Variants in ERBB4 observed in about 807,000 individuals in gnomAD.
The protein encoded by ERBB4 is erb-b2 receptor tyrosine kinase 4.
A neutral mutation model predicts 158.0 loss-of-function variants in ERBB4; 42 were observed. That is an observed-to-expected ratio of 0.27 (90% CI 0.21 to 0.34). The LOEUF (loss-of-function observed/expected upper bound fraction) is 0.34. ERBB4 is among the 10% of genes least tolerant of loss of function. The probability of loss-of-function intolerance (pLI) is 1.00; values close to 1 mark genes in which losing one functional copy is unlikely to be tolerated. For missense variants in ERBB4, 1,333 were observed against 1,624.1 expected (o/e 0.82, Z 3.08); for synonymous variants, 583 against 558.7 (o/e 1.04, Z -0.61).
chr2:212,190,123 C>T (rs2082141218), intron 1 of ERBB4, among the ~76,000 whole-genome samples: 1 of 149,152 alleles, frequency 6.7e-6, no homozygotes, highest in African/African-American at 2.4e-5. Flanking sequence ...AAAAGTTTTA[C>T]TTACTGAACT....
chr2:211,773,647 T>TAA (rs1290741111), intron 4 of ERBB4, among the ~76,000 whole-genome samples: 2 of 77,436 alleles, frequency 2.6e-5, no homozygotes, highest in Admixed American at 1.5e-4. Flanking sequence ...TATATATATA[T>TAA]AATATATATA....
chr2:211,505,581 A>T (rs2065724901), intron 20 of ERBB4, among the ~76,000 whole-genome samples: 1 of 152,034 alleles, frequency 6.6e-6, no homozygotes, highest in African/African-American at 2.4e-5. Context: ...CAAACAAACA[A>T]ACAAACAAAC....
At chr2:212,355,569 T>TTATTGTAATAA (rs1283007977) in intron 1 of ERBB4, among the ~76,000 whole-genome samples, 1 of 152,046 alleles carries the variant, frequency 6.6e-6, no homozygotes, top group Non-Finnish European at 1.5e-5. Flanking sequence ...AGGCTGCTCG[T>TTATTGTAATAA]TATTGTAATA....
chr2:211,663,750 A>G (rs567551291), intron 15 of ERBB4, among the ~76,000 whole-genome samples: 2 of 152,300 alleles, frequency 1.3e-5, no homozygotes, highest in South Asian at 4.1e-4. Context: ...TTGAATGGCA[A>G]CAGCTGTTGA....
At chr2:212,299,137 T>C (rs2086527154) in intron 1 of ERBB4, among the ~76,000 whole-genome samples, 1 of 151,472 alleles carries the variant, frequency 6.6e-6, no homozygotes, top group Admixed American at 6.6e-5. Flanking sequence ...ACCAAAAGAG[T>C]GAGGCATGTA....
At chr2:211,540,471 G>A (rs905974204) in intron 20 of ERBB4, among the ~76,000 whole-genome samples, 2 of 151,938 alleles carry the variant, frequency 1.3e-5, no homozygotes, top group African/African-American at 2.4e-5. Context: ...AAAGGAGCTG[G>A]ATAATATTTA....
chr2:212,398,780 A>T (rs1006192028), intron 1 of ERBB4, among the ~76,000 whole-genome samples: 35 of 149,332 alleles, frequency 2.3e-4, no homozygotes, highest in Admixed American at 7.4e-4. Flanking sequence ...ATCTCATCTT[A>T]AAAAAAAAGT....
At chr2:212,495,501 T>C (rs1690513837) in intron 1 of ERBB4, among the ~76,000 whole-genome samples, 1 of 152,230 alleles carries the variant, frequency 6.6e-6, no homozygotes, top group Admixed American at 6.5e-5. Context: ...AGGAACACTG[T>C]ATGTGTCTTA....
intron 1 of ERBB4, among the ~76,000 whole-genome samples, chr2:212,242,927 C>A (rs1289650330): frequency 1.3e-5 from 2 of 152,142 alleles, no homozygotes; most frequent in Non-Finnish European, 2.9e-5. Context: ...GGAGATTGCA[C>A]TTGAACACAT....
intron 2 of ERBB4, among the ~76,000 whole-genome samples, chr2:211,995,455 A>G (rs1238698550): frequency 6.6e-6 from 1 of 152,098 alleles, no homozygotes; most frequent in Non-Finnish European, 1.5e-5. Flanking sequence ...TTTAAAATAC[A>G]TAGAGGTGGT....
intron 16 of ERBB4, among the ~76,000 whole-genome samples, chr2:211,634,002 T>C (rs563476644): frequency 1.3e-5 from 2 of 152,206 alleles, no homozygotes; most frequent in African/African-American, 4.8e-5. Flanking sequence ...CTACTAAAAA[T>C]ACAAAAATCA....
intron 20 of ERBB4, among the ~76,000 whole-genome samples, chr2:211,442,251 T>A (rs1049186101): frequency 3.3e-5 from 5 of 152,082 alleles, no homozygotes; most frequent in Admixed American, 3.3e-4. Context: ...TACAGACACA[T>A]GCTTGGTCAA....
intron 3 of ERBB4, among the ~76,000 whole-genome samples, chr2:211,797,574 A>G (rs75300551): frequency 0.017 from 2,661 of 152,104 alleles, 93 homozygotes; most frequent in African/African-American, 0.062. Flanking sequence ...TTACTCTTGT[A>G]AGATGATTAT....
At chr2:211,514,643 T>C (rs1015714063) in intron 20 of ERBB4, among the ~76,000 whole-genome samples, 3 of 152,122 alleles carry the variant, frequency 2.0e-5, no homozygotes, top group African/African-American at 7.2e-5. Context: ...AAAATATATA[T>C]TATTTTTACC....
intron 2 of ERBB4, among the ~76,000 whole-genome samples, chr2:212,024,666 C>T (rs137873727): frequency 1.5e-3 from 223 of 151,982 alleles, no homozygotes; most frequent in African/African-American, 5.2e-3. Context: ...TCCTACTTAC[C>T]TCTCACTCTC....
chr2:211,672,877 A>G (rs992842678), intron 14 of ERBB4, among the ~76,000 whole-genome samples: 2 of 152,122 alleles, frequency 1.3e-5, no homozygotes, highest in African/African-American at 4.8e-5. Flanking sequence ...TTATGCTTCA[A>G]TCTAATTATT....
rs148213015 is a variant in ERBB4, at chr2:211,750,624, C to T, written c.622+15G>A. On this transcript the variant is annotated intron_variant, in intron 5 of 27. Coordinates refer to ENST00000342788, the MANE Select transcript of ERBB4 (RefSeq NM_005235.3). ...ACCACATCAAACCTGTGTGCTCTCA[C>T]TGATGAACACTTACAAGTCTGGCAA... 9.9e-6 allele frequency: 16 copies of T among 1,611,522 alleles called. No individual in the cohort carries two copies. The Admixed American group carries it at 2.3e-4, about 23-fold the overall frequency.
chr2:212,521,309 G>T (rs1289969696), intron 1 of ERBB4, among the ~76,000 whole-genome samples: 1 of 151,624 alleles, frequency 6.6e-6, no homozygotes, highest in Non-Finnish European at 1.5e-5. Context: ...TATAAAAACA[G>T]AATATGAAGA....
intron 25 of ERBB4, among the ~76,000 whole-genome samples, chr2:211,394,888 G>T (rs1210840441): frequency 6.6e-6 from 1 of 152,040 alleles, no homozygotes; most frequent in Non-Finnish European, 1.5e-5. Context: ...TTCTTGAATA[G>T]GTCTCACTAA....
Sources: gnomAD v4.1 joint callset for allele counts (sites outside exome capture counted in the v4.1 genomes callset) on GRCh38, gnomAD v4.1.1 for gene constraint, MANE v1.5 for transcripts, NCBI Gene and HGNC (gene_info 2026-07-23, HGNC 2026-07-21) for gene names.